Variants in RPL18 observed in about 807,000 individuals in gnomAD.
The protein encoded by RPL18 is ribosomal protein L18.
RPL18 carries 4 observed loss-of-function variants against 25.0 expected under a neutral mutation model. The observed-to-expected ratio is 0.16, with a 90% CI of 0.08 to 0.37. The LOEUF (loss-of-function observed/expected upper bound fraction) is 0.37. Among genes scored for constraint, RPL18 ranks in the 10% least tolerant of loss-of-function variants. The pLI is 1.00. For synonymous variants in RPL18, 129 were observed against 101.6 expected, an observed-to-expected ratio of 1.27 and a Z score of -1.62; for missense variants, 179 against 267.9, an observed-to-expected ratio of 0.67 and a Z score of 2.32.
In RPL18 at chr19:48,617,112, GAGA is replaced by G. The variant is rs576713711; in HGVS notation, c.198+201_198+203del. The stretch of plus-strand genomic sequence containing the variant: ...CACCAGGACACCTCCACCTCACAAA[GAGA>G]AGGAGAGGAGGACCAGGAGACTTGC... On this transcript the variant is annotated intron_variant, in intron 3 of 6. Coordinates refer to ENST00000549920, the MANE Select transcript of RPL18 (RefSeq NM_000979.4). 36 of 709,966 alleles carry G rather than the reference GAGA, an allele frequency of 5.1e-5. No homozygotes were observed. In the Middle Eastern group the frequency reaches 4.1e-3, roughly 81 times the overall value. The allele number at this position is 709,966 out of a possible 1,614,324, so 44.0% of individuals were successfully genotyped here.
At chr19:48,616,415 G>A (rs1040166423) in intron 4 of RPL18, 3 of 660,100 alleles carry the variant, frequency 4.5e-6, no homozygotes, top group Non-Finnish European at 7.8e-6. Flanking sequence ...CTACAGCAAG[G>A]AAGCTGGGCC....
intron 1 of RPL18, 71 bp downstream of exon 1, chr19:48,619,070 G>C: frequency 6.5e-7 from 1 of 1,542,344 alleles, no homozygotes; most frequent in Non-Finnish European, 8.8e-7. Flanking sequence ...GCCCTCCAGC[G>C]TGCCCCTAGC....
intron 2 of RPL18, 146 bp from the exon 3 acceptor site, chr19:48,617,569 C>T: frequency 1.4e-6 from 1 of 721,880 alleles, no homozygotes; most frequent in South Asian, 1.8e-5. Flanking sequence ...AAAGCTGGCC[C>T]AGGTCCTTCC....
rs751285320 is a variant in RPL18 at position 48,616,111 on chromosome 19, G to A, written c.389C>T (p.Ser130Phe). Residue 130 changes from serine (S) to phenylalanine (F), a missense_variant, in exon 5 of 7, where the codon TCC (serine) becomes TTC (phenylalanine). By Grantham distance (155) the Ser-to-Phe change is radical (BLOSUM62 -2). Coordinates refer to ENST00000549920, the MANE Select transcript of RPL18 (RefSeq NM_000979.4). ...ILTFDQLALD[S>F]PKGCGTVLLS... The stretch of plus-strand genomic sequence containing the variant: ...CAGGACAGTGCCACAGCCCTTAGGG[G>A]AGTCCAGGGCCAGCTGGTCGAAAGT... The A allele has an allele frequency of 3.1e-6, 5 of 1,614,182 alleles. No homozygotes were observed. The highest frequency in any genetic ancestry group is 1.6e-4 in the Middle Eastern group (1 of 6,062).
chr19:48,617,919 A>G (rs562173451), intron 1 of RPL18, 42 bp from the exon 2 acceptor site: 117 of 1,400,004 alleles, frequency 8.4e-5, no homozygotes, highest in Non-Finnish European at 1.1e-4. Flanking sequence ...ATTACCCCCA[A>G]CCATAGCCAA....
At chr19:48,618,125 T>C (rs1481534324) in intron 1 of RPL18, 6 of 368,460 alleles carry the variant, frequency 1.6e-5, no homozygotes, top group Admixed American at 4.3e-5. Flanking sequence ...ATTAACTTAA[T>C]ACAAAAAGGT....
chr19:48,618,389 C>G (rs532786380), intron 1 of RPL18: 148 of 154,860 alleles, frequency 9.6e-4, no homozygotes, highest in Non-Finnish European at 1.5e-3. Context: ...TGGTCTTGAT[C>G]TCCTGGGCAA....
Position 48,617,426 on chromosome 19 carries a change from G to T in RPL18, c.91-3C>A, listed in dbSNP as rs113201691. ...CTTCTGGCCAGAAACCTGTATAACT[G>T]GAGGGACGGGAAGACAGTGAGAAGC... On this transcript the variant is annotated splice_region_variant and splice_polypyrimidine_tract_variant and intron_variant, in intron 2 of 6. Transcript: ENST00000549920. The T allele has an allele frequency of 6.2e-7, 1 of 1,609,340 alleles. No individual in the cohort carries two copies. Among genetic ancestry groups the T allele is most frequent in the Non-Finnish European group, 8.5e-7 (1 of 1,175,742 alleles).
At chr19:48,616,467 G>C in intron 4 of RPL18, 2 of 673,194 alleles carry the variant, frequency 3.0e-6, no homozygotes, top group South Asian at 1.6e-5. Flanking sequence ...GTCTAGACTT[G>C]AGCCCAGGCT....
chr19:48,617,993 A>G (rs2147658506), intron 1 of RPL18, 116 bp from the exon 2 acceptor site: 1 of 727,632 alleles, frequency 1.4e-6, no homozygotes, highest in African/African-American at 1.8e-5. Flanking sequence ...ACCAGCTCAA[A>G]TCCCAGGCCC....
chr19:48,615,774 G>C, intron 6 of RPL18, 103 bp downstream of exon 6: 1 of 1,027,180 alleles, frequency 9.7e-7, no homozygotes, highest in South Asian at 1.4e-5. Flanking sequence ...GAAGGCCTGG[G>C]GCTGGCTGGT....
At position 48,617,263 on chromosome 19, in the gene RPL18, G is replaced by A. The variant is rs531125522; in HGVS notation, c.198+53C>T. The A allele has an allele frequency of 2.8e-6, 4 of 1,405,360 alleles. No individual in the cohort carries two copies. In the African/African-American group the frequency reaches 4.2e-5, roughly 15 times the overall value. 87.1% of individuals were successfully genotyped at this position (1,405,360 alleles called of 1,614,324 possible). A position where few individuals can be genotyped will look rare whatever the true frequency, so the allele number is the denominator to read the frequency against. On this transcript the variant is annotated intron_variant, in intron 3 of 6. Coordinates refer to ENST00000549920, the MANE Select transcript of RPL18 (RefSeq NM_000979.4). ...CCAAGTCCTGCCTCCCTTCCAGACAGACAAGACCCAGCGGCTCCCAGGTCT... is the reference window on the plus strand; with the variant it reads ...CCAAGTCCTGCCTCCCTTCCAGACAAACAAGACCCAGCGGCTCCCAGGTCT...
At chr19:48,617,930 T>C (rs1974232661) in intron 1 of RPL18, 53 bp from the exon 2 acceptor site, 1 of 1,334,894 alleles carries the variant, frequency 7.5e-7, no homozygotes, top group Non-Finnish European at 1.1e-6. Flanking sequence ...CCATAGCCAA[T>C]TATTACTTAT....
At position 48,616,109 on chromosome 19, in the gene RPL18, G is replaced by A. The variant is rs1974162507; in HGVS notation, c.391C>T (p.Pro131Ser). 2 of 1,614,186 alleles carry A rather than the reference G, an allele frequency of 1.2e-6. No individual in the cohort carries two copies. Among genetic ancestry groups the A allele is most frequent in the African/African-American group, 1.3e-5 (1 of 75,068 alleles). The change falls in exon 5 of 7, where the codon CCT becomes TCT. Residue 131 changes from proline (P) to serine (S), a missense_variant. Physicochemically the swap from Pro to Ser is moderately conservative, Grantham distance 74. Transcript: ENST00000549920. ...AGCAGGACAGTGCCACAGCCCTTAG[G>A]GGAGTCCAGGGCCAGCTGGTCGAAA... is the stretch of plus-strand genomic sequence containing the variant. ...LTFDQLALDS[P>S]KGCGTVLLSG...
intron 1 of RPL18, chr19:48,618,426 A>G (rs1423039634): frequency 6.5e-6 from 1 of 154,746 alleles, no homozygotes; most frequent in African/African-American, 2.4e-5. Flanking sequence ...GGCCTCCCAA[A>G]GTGCTAGGAT....
At chr19:48,618,288 G>A (rs1974246847) in intron 1 of RPL18, 1 of 167,144 alleles carries the variant, frequency 6.0e-6, no homozygotes, top group Admixed American at 6.0e-5. Flanking sequence ...CTCTCCTACA[G>A]CATCAGTCAA....
intron 4 of RPL18, 116 bp from the exon 5 acceptor site, chr19:48,616,318 T>G: frequency 7.4e-7 from 1 of 1,343,742 alleles, no homozygotes; most frequent in Non-Finnish European, 1.0e-6. Context: ...CACTATCGTT[T>G]ACTACCCGGA....
At position 48,617,563 on chromosome 19, in the gene RPL18, C is replaced by T. The variant is rs1172779978; in HGVS notation, c.91-140G>A. 10 of 741,546 alleles carry T rather than the reference C, an allele frequency of 1.3e-5. No homozygotes were observed. The East Asian group carries it at 2.6e-4, about 20-fold the overall frequency. The allele number at this position is 741,546 out of a possible 1,614,324, so 45.9% of individuals were successfully genotyped here. On this transcript the variant is annotated intron_variant, in intron 2 of 6. Transcript: ENST00000549920. ...AACCCACCGACCTAGAGGGAGAAAG[C>T]TGGCCCAGGTCCTTCCTGGCCAAGG... is the stretch of plus-strand genomic sequence containing the variant.
chr19:48,616,554 C>A lies in RPL18; in HGVS notation c.297+172G>T, dbSNP rs541201600. ...CTTGCCCAGGGGACCCCACCATCAA[C>A]CATGCCAGAGACGACCCACACCAAT... On this transcript the variant is annotated intron_variant, in intron 4 of 6. Transcript: ENST00000549920. 1.2e-4 allele frequency: 83 copies of A among 715,748 alleles called. No individual in the cohort carries two copies. In the African/African-American group the frequency reaches 1.3e-3, roughly 12 times the overall value. 44.3% of individuals were successfully genotyped at this position (715,748 alleles called of 1,614,324 possible).
Sources: allele counts gnomAD v4.1 joint callset, GRCh38; gene constraint gnomAD v4.1.1; transcripts MANE v1.5; gene names NCBI Gene and HGNC (gene_info 2026-07-23, HGNC 2026-07-21).